The following AIG1 variants were observed in gnomAD, a reference collection of about 807,000 sequenced individuals.
AIG1 encodes the protein androgen induced 1.
AIG1 carries 23 observed loss-of-function variants against 31.4 expected under a neutral mutation model. The observed-to-expected ratio is 0.73, with a 90% CI of 0.53 to 1.04. AIG1 has a LOEUF of 1.04. Among genes scored for constraint, AIG1 ranks in the 50% least tolerant of loss-of-function variants. The pLI is 0.00. For synonymous variants in AIG1, 100 were observed against 110.5 expected (o/e 0.90, Z 0.60); for missense variants, 274 against 295.0 (o/e 0.93, Z 0.52).
In AIG1 at chr6:143,110,556, C is replaced by T. The variant is rs904145656; in HGVS notation, c.142-26279C>T. On this transcript the variant is annotated intron_variant, in intron 1 of 5. Transcript: ENST00000357847. Reference sequence around the variant, plus strand: ...TATTCCTAGTTATGTGTCCTCTTTTCAGTAGAGAGCTGCTTCCAGTTTGTA... The same window carrying T: ...TATTCCTAGTTATGTGTCCTCTTTTTAGTAGAGAGCTGCTTCCAGTTTGTA... 2.6e-5 allele frequency among the ~76,000 whole-genome samples: 4 copies of T among 152,270 alleles called. No individual in the cohort carries two copies. In the East Asian group the frequency reaches 7.7e-4, roughly 29 times the overall value.
intron 1 of AIG1, among the ~76,000 whole-genome samples, chr6:143,108,603 G>A (rs893789370): frequency 1.3e-5 from 2 of 152,206 alleles, no homozygotes; most frequent in African/African-American, 2.4e-5. Context: ...TTAACTGTAT[G>A]TGAGGATATT....
intron 3 of AIG1, chr6:143,187,848 C>T (rs569906381): frequency 1.8e-4 from 267 of 1,450,646 alleles, no homozygotes; most frequent in African/African-American, 5.7e-4. Context: ...ATTTCTCAAG[C>T]GATGTACAGA....
At chr6:143,171,612 G>T (rs1252691531) in intron 3 of AIG1, among the ~76,000 whole-genome samples, 1 of 145,690 alleles carries the variant, frequency 6.9e-6, no homozygotes, top group Non-Finnish European at 1.5e-5. Flanking sequence ...CTATATTTTT[G>T]AAATTGCAAA....
At chr6:143,105,195 A>T (rs904504643) in intron 1 of AIG1, among the ~76,000 whole-genome samples, 12 of 152,214 alleles carry the variant, frequency 7.9e-5, no homozygotes, top group Admixed American at 7.9e-4. Context: ...GGAGCATCCC[A>T]TGCCACAAGA....
intron 3 of AIG1, among the ~76,000 whole-genome samples, chr6:143,241,766 TCCCAAA>T (rs1794258245): frequency 6.6e-6 from 1 of 152,154 alleles, no homozygotes; most frequent in Admixed American, 6.5e-5. Flanking sequence ...AAATGCTCGC[TCCCAAA>T]CCCAAAACTT....
In AIG1 at chr6:143,293,585, T is replaced by TTTGAAAAGG; in HGVS notation, c.515+9360_515+9361insTTGAAAAGG. 6.6e-6 allele frequency among the ~76,000 whole-genome samples: 1 copy of TTTGAAAAGG among 152,340 alleles called. No individual in the cohort carries two copies. The highest frequency in any genetic ancestry group is 2.1e-4 in the South Asian group (1 of 4,820). ...GTCAAATCAGCTTCTTAGACCTGCA[T>TTTGAAAAGG]CTGGACAGAAAAGGCTTGTGTATAT... On this transcript the variant is annotated intron_variant, in intron 4 of 5. Transcript: ENST00000357847. The surrounding 1 kb of genome is among the most constrained non-coding windows in gnomAD (Gnocchi z 4.8).
At chr6:143,123,900 A>T (rs1193745770) in intron 1 of AIG1, among the ~76,000 whole-genome samples, 1 of 152,232 alleles carries the variant, frequency 6.6e-6, no homozygotes, top group Non-Finnish European at 1.5e-5. Flanking sequence ...AAACAATAAG[A>T]TAATGTCTTC....
At chr6:143,337,817 T>C (rs1375853043) in intron 5 of AIG1, among the ~76,000 whole-genome samples, 4 of 152,200 alleles carry the variant, frequency 2.6e-5, no homozygotes, top group Non-Finnish European at 4.4e-5. Context: ...GGCATGTGAC[T>C]GACTCCCTCA....
At chr6:143,337,514 A>G (rs1777591283) in intron 5 of AIG1, among the ~76,000 whole-genome samples, 1 of 152,172 alleles carries the variant, frequency 6.6e-6, no homozygotes, top group African/African-American at 2.4e-5. Flanking sequence ...CACAATTCAC[A>G]GCTGAAATAT....
chr6:143,222,394 T>C (rs887339864), intron 3 of AIG1, among the ~76,000 whole-genome samples: 10 of 151,784 alleles, frequency 6.6e-5, no homozygotes, highest in Non-Finnish European at 1.0e-4. Context: ...TCTGGTTTTT[T>C]TTTTGTTGTT....
chr6:143,094,625 A>G (rs963052667), intron 1 of AIG1, among the ~76,000 whole-genome samples: 4 of 152,236 alleles, frequency 2.6e-5, no homozygotes, highest in Admixed American at 2.0e-4. Context: ...TTTCAACCAT[A>G]GATCTGGGAC....
At chr6:143,260,274 G>A (rs1170729810) in intron 3 of AIG1, among the ~76,000 whole-genome samples, 3 of 152,010 alleles carry the variant, frequency 2.0e-5, no homozygotes, top group African/African-American at 4.8e-5. Context: ...GCCTCCTGCC[G>A]ACTGTAAAGG....
downstream of AIG1, chr6:143,342,245 A>T: frequency 1.5e-6 from 1 of 682,036 alleles, no homozygotes; most frequent in Non-Finnish European, 2.7e-6. Flanking sequence ...GTAGTGGGAA[A>T]ATGGGGTGGC....
chr6:143,264,538 G>T (rs1319328981), intron 3 of AIG1, among the ~76,000 whole-genome samples: 1 of 152,172 alleles, frequency 6.6e-6, no homozygotes, highest in East Asian at 1.9e-4. Flanking sequence ...ATGAAGTGTG[G>T]CCAAGCCAGC....
chr6:143,072,132 G>A (rs898183649), intron 1 of AIG1, among the ~76,000 whole-genome samples: 7 of 152,008 alleles, frequency 4.6e-5, no homozygotes, highest in African/African-American at 1.2e-4. Context: ...GGCTAACGAC[G>A]TTGAATATAT....
intron 1 of AIG1, among the ~76,000 whole-genome samples, chr6:143,124,965 G>A (rs1239220060): frequency 1.3e-5 from 2 of 152,164 alleles, no homozygotes; most frequent in Non-Finnish European, 2.9e-5. Context: ...ACCATATCAG[G>A]TCTGAAGCCC....
At chr6:143,129,485 C>T (rs1442874561) in intron 1 of AIG1, among the ~76,000 whole-genome samples, 2 of 152,086 alleles carry the variant, frequency 1.3e-5, no homozygotes, top group African/African-American at 4.8e-5. Flanking sequence ...GAGGGGACTG[C>T]TGTGTTAGAT....
intron 3 of AIG1, chr6:143,189,066 G>A: frequency 1.1e-6 from 1 of 927,294 alleles, no homozygotes; most frequent in South Asian, 5.0e-5. Context: ...GACTTTTTAA[G>A]AGTCTCACTG....
chr6:143,087,928 C>T (rs1020999656), intron 1 of AIG1, among the ~76,000 whole-genome samples: 8 of 152,128 alleles, frequency 5.3e-5, no homozygotes, highest in South Asian at 2.1e-4. Context: ...GCAGATCTTT[C>T]GCCACATATC....
Sources: gnomAD v4.1 joint callset for allele counts (sites outside exome capture counted in the v4.1 genomes callset) on GRCh38, gnomAD v4.1.1 for gene constraint, Gnocchi (gnomAD v3.1) non-coding constraint, MANE v1.5 for transcripts, NCBI Gene and HGNC (gene_info 2026-07-23, HGNC 2026-07-21) for gene names.